Variants in RGPD2 observed in about 807,000 individuals in gnomAD.
The protein encoded by RGPD2 is RANBP2 like and GRIP domain containing 2.
Under a neutral mutation model 36.0 loss-of-function variants are expected in RGPD2, and 2 were observed. That is an observed-to-expected ratio of 0.06 (90% confidence interval 0.02 to 0.17). The LOEUF (loss-of-function observed/expected upper bound fraction) is 0.17. RGPD2 is among the 10% of genes least tolerant of loss of function. The probability of loss-of-function intolerance (pLI) is 1.00; values close to 1 mark genes in which losing one functional copy is unlikely to be tolerated. For missense variants in RGPD2, 40 were observed against 464.3 expected, an observed-to-expected ratio of 0.09 and a Z score of 8.40; for synonymous variants, 19 against 163.8, an observed-to-expected ratio of 0.12 and a Z score of 6.75.
the RGPD2 span, among the ~76,000 whole-genome samples, chr2:87,961,168 C>A: frequency 6.6e-6 from 1 of 152,298 alleles, no homozygotes; most frequent in East Asian, 1.9e-4. Flanking sequence ...GAAAACTATC[C>A]TACTGATAAA....
At chr2:87,824,262 G>A (rs578077660) in intron 1 of RGPD2, among the ~76,000 whole-genome samples, 189 of 151,838 alleles carry the variant, frequency 1.2e-3, no homozygotes, top group Non-Finnish European at 2.2e-3. Context: ...AAAGTGCTCG[G>A]ATTACAGACG....
intron 22 of RGPD2, among the ~76,000 whole-genome samples, chr2:87,769,376 A>G (rs1470657646): frequency 1.3e-5 from 2 of 152,164 alleles, no homozygotes; most frequent in South Asian, 2.1e-4. Flanking sequence ...TTGATAAGAG[A>G]CAAGTAGGAA....
chr2:87,861,595 G>A, the RGPD2 span, among the ~76,000 whole-genome samples: 1 of 152,054 alleles, frequency 6.6e-6, no homozygotes, highest in Non-Finnish European at 1.5e-5. Context: ...ATATTAAAGA[G>A]GTAGATCAAG....
chr2:87,915,110 G>A, the RGPD2 span, among the ~76,000 whole-genome samples: 1 of 151,602 alleles, frequency 6.6e-6, no homozygotes, highest in Admixed American at 6.6e-5. Flanking sequence ...TTGCACCATT[G>A]CACTCCAGCC....
At chr2:87,975,194 T>A in the RGPD2 span, among the ~76,000 whole-genome samples, 2 of 150,374 alleles carry the variant, frequency 1.3e-5, no homozygotes, top group African/African-American at 4.9e-5. Flanking sequence ...TTGTCTTGTA[T>A]CAGGGCTCTT....
At chr2:87,866,939 A>G in the RGPD2 span, among the ~76,000 whole-genome samples, 1 of 152,266 alleles carries the variant, frequency 6.6e-6, no homozygotes, top group South Asian at 2.1e-4. Flanking sequence ...TAAGGAATCC[A>G]TTTGCATAGA....
At chr2:87,870,556 G>C in the RGPD2 span, among the ~76,000 whole-genome samples, 1 of 152,162 alleles carries the variant, frequency 6.6e-6, no homozygotes, top group Non-Finnish European at 1.5e-5. Context: ...CTTTTTCCAT[G>C]TGAGAAAAGC....
the RGPD2 span, among the ~76,000 whole-genome samples, chr2:87,873,753 T>C: frequency 1.3e-5 from 2 of 151,656 alleles, no homozygotes; most frequent in South Asian, 4.2e-4. Context: ...AGAGAGCAAG[T>C]GCAGGGAAAC....
chr2:87,841,371 C>G, the RGPD2 span, among the ~76,000 whole-genome samples: 1 of 152,106 alleles, frequency 6.6e-6, no homozygotes, highest in Non-Finnish European at 1.5e-5. Flanking sequence ...AACCCTGAGT[C>G]AATTAAACCT....
the RGPD2 span, among the ~76,000 whole-genome samples, chr2:87,921,281 T>C: frequency 6.6e-6 from 1 of 152,096 alleles, no homozygotes; most frequent in Non-Finnish European, 1.5e-5. Flanking sequence ...AATGAACAAA[T>C]AAGCCCCCAG....
chr2:87,837,007 AG>A, the RGPD2 span, among the ~76,000 whole-genome samples: 1 of 152,178 alleles, frequency 6.6e-6, no homozygotes, highest in African/African-American at 2.4e-5. Flanking sequence ...TAATGATAAA[AG>A]TTTCAATTCA....
At chr2:87,842,190 G>A in the RGPD2 span, among the ~76,000 whole-genome samples, 3 of 152,044 alleles carry the variant, frequency 2.0e-5, no homozygotes, top group Non-Finnish European at 4.4e-5. Context: ...ATTCAACATA[G>A]TGTTGGAAGT....
At chr2:87,915,550 G>GTATGTGTATATATATACACATA in the RGPD2 span, among the ~76,000 whole-genome samples, 1 of 137,498 alleles carries the variant, frequency 7.3e-6, no homozygotes, top group Non-Finnish European at 1.6e-5. Context: ...ATATATATGT[G>GTATGTGTATATATATACACATA]TATGTGTATA....
chr2:87,842,067 A>AT, the RGPD2 span, among the ~76,000 whole-genome samples: 1 of 151,756 alleles, frequency 6.6e-6, no homozygotes, highest in African/African-American at 2.4e-5. Flanking sequence ...TCTCAAAATA[A>AT]TAAGAGCTAT....
the RGPD2 span, among the ~76,000 whole-genome samples, chr2:87,971,884 T>C: frequency 6.6e-6 from 1 of 152,094 alleles, no homozygotes; most frequent in Non-Finnish European, 1.5e-5. Context: ...ATCATTATTG[T>C]TAGTCACTTA....
the RGPD2 span, among the ~76,000 whole-genome samples, chr2:87,858,235 G>A: frequency 5.9e-4 from 89 of 151,706 alleles, no homozygotes; most frequent in East Asian, 1.9e-3. Flanking sequence ...CCAAGATTGC[G>A]CCACTGCACT....
intron 6 of RGPD2, among the ~76,000 whole-genome samples, chr2:87,807,439 T>C (rs1686001437): frequency 7.0e-6 from 1 of 142,454 alleles, no homozygotes; most frequent in Non-Finnish European, 1.5e-5. Flanking sequence ...TGGGCTGGAG[T>C]GTAATGGCAC....
chr2:87,824,793 AGG>A (rs1686594316), intron 1 of RGPD2: 1 of 24,118 alleles, frequency 4.1e-5, no homozygotes, highest in Admixed American at 5.5e-4. Context: ...GCCGAGGCCG[AGG>A]CCGCCGCCGC....
intron 8 of RGPD2, among the ~76,000 whole-genome samples, chr2:87,798,803 G>C (rs1254679978): frequency 2.6e-5 from 3 of 113,296 alleles, no homozygotes; most frequent in African/African-American, 9.2e-5. Context: ...GGGAGGCGGA[G>C]CTTGCAGTGA....
Sources: gnomAD v4.1 joint callset for allele counts (sites outside exome capture counted in the v4.1 genomes callset) on GRCh38, gnomAD v4.1.1 for gene constraint, MANE v1.5 for transcripts, NCBI Gene and HGNC (gene_info 2026-07-23, HGNC 2026-07-21) for gene names.